Variants in MEGF6 observed in about 807,000 individuals in gnomAD.
The protein encoded by MEGF6 is multiple epidermal growth factor-like domains protein 6.
A neutral mutation model predicts 207.1 loss-of-function variants in MEGF6; 184 were observed. That is an observed-to-expected ratio of 0.89 (90% CI 0.79 to 1.00). The LOEUF (loss-of-function observed/expected upper bound fraction) is 1.00, where lower values mean the gene tolerates loss of function less well. Ranked by LOEUF, MEGF6 falls within the 50% of genes least tolerant of loss-of-function variation. The pLI is 0.00. For synonymous variants in MEGF6, 1,038 were observed against 910.0 expected (o/e 1.14, Z -2.53); for missense variants, 2,282 against 2,202.9 (o/e 1.04, Z -0.72).
chr1:3,580,211 T>C (rs1643758900), intron 3 of MEGF6, among the ~76,000 whole-genome samples: 2 of 84,090 alleles, frequency 2.4e-5, no homozygotes, highest in African/African-American at 9.2e-5. Context: ...GGGCATTTCC[T>C]GGGGAAGGTG....
At chr1:3,514,270 C>A (rs1641458255) in intron 7 of MEGF6, among the ~76,000 whole-genome samples, 2 of 151,340 alleles carry the variant, frequency 1.3e-5, no homozygotes, top group South Asian at 2.1e-4. Flanking sequence ...AAAGGAAATA[C>A]AATAGTTTAA....
In MEGF6 at chr1:3,589,518, C is replaced by T. The variant is rs1032419931; in HGVS notation, c.376+5820G>A. Among the ~76,000 whole-genome samples the T allele has an allele frequency of 7.9e-5, 12 of 152,204 alleles. No homozygotes were observed. In the South Asian group the frequency reaches 1.4e-3, roughly 18 times the overall value. ...GACCACCACCACCCGGACAGAGGAG[C>T]CTTCCTGGACCCCCATCCAAGCCAG... is the stretch of plus-strand genomic sequence containing the variant. On this transcript the variant is annotated intron_variant, in intron 3 of 36. Coordinates refer to ENST00000356575, the MANE Select transcript of MEGF6 (RefSeq NM_001409.4).
Position 3,497,123 on chromosome 1 carries a change from G to A in MEGF6, c.3482-4C>T. Reference sequence around the variant, plus strand: ...CCAAAGCTGCCGGGTGGGCAGGCTGGGTGGAGACAGGCAGGGTCGGTCCTG... The same window carrying A: ...CCAAAGCTGCCGGGTGGGCAGGCTGAGTGGAGACAGGCAGGGTCGGTCCTG... On this transcript the variant is annotated splice_region_variant and splice_polypyrimidine_tract_variant and intron_variant, in intron 27 of 36. Coordinates refer to ENST00000356575, the MANE Select transcript of MEGF6 (RefSeq NM_001409.4). 6.4e-7 allele frequency: 1 copy of A among 1,574,706 alleles called. No individual in the cohort carries two copies. The highest frequency in any genetic ancestry group is 1.8e-5 in the Admixed American group (1 of 56,452).
intron 4 of MEGF6, among the ~76,000 whole-genome samples, chr1:3,564,898 G>C (rs1479291924): frequency 6.6e-6 from 1 of 152,110 alleles, no homozygotes; most frequent in Non-Finnish European, 1.5e-5. Context: ...TCTGGCCGAG[G>C]CATTTTCCAG....
chr1:3,549,121 T>TGG (rs1642806936), intron 4 of MEGF6, among the ~76,000 whole-genome samples: 1 of 152,202 alleles, frequency 6.6e-6, no homozygotes, highest in African/African-American at 2.4e-5. Context: ...CTGGGTGATC[T>TGG]GTCCCCAGCC....
At chr1:3,580,963 G>A (rs1426444650) in intron 3 of MEGF6, among the ~76,000 whole-genome samples, 1 of 152,100 alleles carries the variant, frequency 6.6e-6, no homozygotes, top group Non-Finnish European at 1.5e-5. Flanking sequence ...GGCTGGGCTG[G>A]GGCTCCTGGG....
At chr1:3,600,315 C>T (rs1224638552) in intron 2 of MEGF6, among the ~76,000 whole-genome samples, 1 of 152,144 alleles carries the variant, frequency 6.6e-6, no homozygotes, top group African/African-American at 2.4e-5. Flanking sequence ...TGGCCTGTGC[C>T]CACCTCCACG....
intron 4 of MEGF6, among the ~76,000 whole-genome samples, chr1:3,554,291 C>T (rs982963264): frequency 3.3e-5 from 5 of 152,144 alleles, no homozygotes; most frequent in African/African-American, 9.7e-5. Flanking sequence ...CCCGACCAGG[C>T]GGCTCCGAGA....
intron 36 of MEGF6, 81 bp from the exon 37 acceptor site, chr1:3,490,670 T>TCCCTCCCAC: frequency 6.9e-7 from 1 of 1,451,162 alleles, no homozygotes; most frequent in South Asian, 1.2e-5. Flanking sequence ...TTGGCACCTC[T>TCCCTCCCAC]CCCTCCCACC....
chr1:3,509,977 G>A lies in MEGF6; in HGVS notation c.1250C>T (p.Ala417Val). The A allele has an allele frequency of 6.3e-7, 1 of 1,586,080 alleles. No homozygotes were observed. The highest frequency in any genetic ancestry group is 8.5e-7 in the Non-Finnish European group (1 of 1,172,316). The stretch of plus-strand genomic sequence containing the variant: ...GTGCTCGCAGCCGCCACGGCTGGAG[G>A]CGCACTCATCCACATCTGCGGGCGA... ...GCGCEDVDEC[A>V]SSRGGCEHHC... Residue 417 changes from alanine to valine, a missense_variant, in exon 11 of 37, where the codon GCC becomes GTC. Physicochemically the swap from Ala to Val is moderately conservative, Grantham distance 64 (BLOSUM62 0). Coordinates refer to ENST00000356575, the MANE Select transcript of MEGF6 (RefSeq NM_001409.4).
chr1:3,608,761 C>T (rs1337513975), intron 1 of MEGF6, among the ~76,000 whole-genome samples: 3 of 152,186 alleles, frequency 2.0e-5, no homozygotes, highest in Admixed American at 2.0e-4. Flanking sequence ...GCCCCCGTCT[C>T]CCAGACCCCG....
chr1:3,593,217 C>A (rs1425748373), intron 3 of MEGF6, among the ~76,000 whole-genome samples: 1 of 152,114 alleles, frequency 6.6e-6, no homozygotes. Flanking sequence ...CACTGAGATC[C>A]CCACAGCGGG....
At chr1:3,494,284 C>T in intron 32 of MEGF6, 87 bp downstream of exon 32, 1 of 1,479,486 alleles carries the variant, frequency 6.8e-7, no homozygotes, top group Non-Finnish European at 9.0e-7. Context: ...CTCCCCACCA[C>T]TTCACTGCTG....
At chr1:3,553,600 C>A (rs960835444) in intron 4 of MEGF6, among the ~76,000 whole-genome samples, 13 of 152,208 alleles carry the variant, frequency 8.5e-5, no homozygotes, top group African/African-American at 3.1e-4. Flanking sequence ...ATTTACGAGG[C>A]CCTGCCTGCC....
chr1:3,490,803 G>T, intron 36 of MEGF6, 109 bp downstream of exon 36: 1 of 1,382,580 alleles, frequency 7.2e-7, no homozygotes, highest in Non-Finnish European at 1.0e-6. Flanking sequence ...CCAAGGCCCC[G>T]GGTGCAGCTG....
intron 4 of MEGF6, among the ~76,000 whole-genome samples, chr1:3,550,721 G>A (rs1642857079): frequency 6.6e-6 from 1 of 152,232 alleles, no homozygotes; most frequent in East Asian, 1.9e-4. Flanking sequence ...GTGCCCAGCA[G>A]CCACCCAACC....
chr1:3,601,600 T>C (rs542824051), intron 2 of MEGF6, among the ~76,000 whole-genome samples: 9 of 152,314 alleles, frequency 5.9e-5, no homozygotes, highest in Non-Finnish European at 1.3e-4. Context: ...CCCCTCAGCC[T>C]GCCCAGCTCA....
chr1:3,491,047 C>G, intron 35 of MEGF6, 88 bp from the exon 36 acceptor site: 1 of 1,214,406 alleles, frequency 8.2e-7, no homozygotes, highest in Non-Finnish European at 1.1e-6. Context: ...CCATCCAGGC[C>G]TTCAGGGACC....
Position 3,493,845 on chromosome 1 carries a change from C to A in MEGF6, c.4313G>T (p.Gly1438Val), listed in dbSNP as rs764134424. Reference sequence around the variant, plus strand: ...GGTGACAGGGTCACAGGGTGCCCCCCCGTCACAGTCACAGCGCTGGTGGCA... The same window carrying A: ...GGTGACAGGGTCACAGGGTGCCCCCACGTCACAGTCACAGCGCTGGTGGCA... Reference protein sequence around the residue: ...EGCHQRCDCDGGAPCDPVTGL... With the variant: ...EGCHQRCDCDVGAPCDPVTGL... The change falls in exon 34 of 37, where the codon GGG becomes GTG. Residue 1438 changes from glycine (G) to valine (V), a missense_variant. Gly to Val is a moderately radical substitution (Grantham distance 109). Transcript: ENST00000356575. The A allele has an allele frequency of 6.2e-7, 1 of 1,603,798 alleles. No individual in the cohort carries two copies. Among genetic ancestry groups the A allele is most frequent in the Non-Finnish European group, 8.5e-7 (1 of 1,175,950 alleles).
Sources: allele counts gnomAD v4.1 joint callset (sites outside exome capture counted in the v4.1 genomes callset), GRCh38; gene constraint gnomAD v4.1.1; transcripts MANE v1.5; gene names NCBI Gene and HGNC (gene_info 2026-07-23, HGNC 2026-07-21).